The following CHEK1 variants were observed in gnomAD, a reference collection of about 807,000 sequenced individuals.
The protein encoded by CHEK1 is serine/threonine-protein kinase Chk1.
Under a neutral mutation model 60.2 loss-of-function variants are expected in CHEK1, and 32 were observed. The ratio of observed to expected loss-of-function variants is 0.53; its 90% CI spans 0.40 to 0.71. The LOEUF is 0.71. Among genes scored for constraint, CHEK1 ranks in the 30% least tolerant of loss-of-function variants. The probability of loss-of-function intolerance (pLI) is 0.00; values close to 1 mark genes in which losing one functional copy is unlikely to be tolerated. For missense variants in CHEK1, 399 were observed against 564.6 expected (o/e 0.71, Z 2.97); for synonymous variants, 179 against 187.2 (o/e 0.96, Z 0.36).
At chr11:125,677,570 A>G (rs1029996660), downstream of CHEK1, among the ~76,000 whole-genome samples, 1 of 151,948 alleles carries the variant, frequency 6.6e-6, no homozygotes, top group Non-Finnish European at 1.5e-5. Context: ...GGCATTTTGT[A>G]TTTGTTTTAT....
chr11:125,629,146 T>C, intron 3 of CHEK1, 86 bp from the exon 4 acceptor site: 1 of 1,338,984 alleles, frequency 7.5e-7, no homozygotes, highest in South Asian at 1.2e-5. Flanking sequence ...AGCACATTTG[T>C]AAATGTCTAA....
intron 13 of CHEK1, chr11:125,675,885 A>G (rs1393595246): frequency 6.4e-6 from 1 of 156,494 alleles, no homozygotes; most frequent in Non-Finnish European, 1.4e-5. Context: ...GGTAGAATAA[A>G]GAATTCTATT....
intron 5 of CHEK1, 92 bp from the exon 6 acceptor site, chr11:125,633,071 A>G (rs757042317): frequency 2.2e-5 from 25 of 1,124,146 alleles, no homozygotes; most frequent in Admixed American, 6.4e-5. Context: ...AAGTAACACC[A>G]GTGATTTTTT....
intron 3 of CHEK1, 102 bp downstream of exon 3, chr11:125,627,932 G>A (rs1940691693): frequency 2.3e-6 from 2 of 887,476 alleles, no homozygotes. Context: ...AATTGCTCAT[G>A]CAACTGTGAA....
chr11:125,640,192 T>C (rs903140670), intron 8 of CHEK1, among the ~76,000 whole-genome samples: 5 of 152,196 alleles, frequency 3.3e-5, no homozygotes, highest in Non-Finnish European at 5.9e-5. Context: ...TCCACTGTGG[T>C]CAACCGAGGT....
At chr11:125,680,688 A>AC (rs2134136227), downstream of CHEK1, 1 of 1,568,666 alleles carries the variant, frequency 6.4e-7, no homozygotes, top group East Asian at 2.2e-5. Flanking sequence ...CTTAAGGGAG[A>AC]CCCCTTTTGT....
At chr11:125,640,050 C>G (rs755336199) in intron 8 of CHEK1, among the ~76,000 whole-genome samples, 1 of 152,192 alleles carries the variant, frequency 6.6e-6, no homozygotes, top group Non-Finnish European at 1.5e-5. Context: ...ACCATTCCAT[C>G]TTCTTCACAA....
downstream of CHEK1, among the ~76,000 whole-genome samples, chr11:125,680,223 G>A (rs963419845): frequency 2.6e-5 from 4 of 152,168 alleles, no homozygotes. Context: ...CATGAATGGG[G>A]GATCCCAAAA....
At chr11:125,679,309 C>T (rs1942691423), downstream of CHEK1, among the ~76,000 whole-genome samples, 1 of 150,138 alleles carries the variant, frequency 6.7e-6, no homozygotes, top group African/African-American at 2.4e-5. Context: ...CCTCCGCCTC[C>T]CGGGTTCAAG....
chr11:125,639,525 A>C (rs1223733947), intron 8 of CHEK1, among the ~76,000 whole-genome samples: 1 of 151,006 alleles, frequency 6.6e-6, no homozygotes, highest in Non-Finnish European at 1.5e-5. Flanking sequence ...TACAGGTGTG[A>C]ACCACCACAC....
chr11:125,670,314 C>T (rs1308359597), intron 13 of CHEK1, among the ~76,000 whole-genome samples: 1 of 152,044 alleles, frequency 6.6e-6, no homozygotes, highest in East Asian at 1.9e-4. Flanking sequence ...GTTCCAGTAT[C>T]TGTGATTCAT....
At chr11:125,655,178 T>G in intron 12 of CHEK1, 47 bp from the exon 13 acceptor site, 2 of 1,445,556 alleles carry the variant, frequency 1.4e-6, no homozygotes, top group Non-Finnish European at 1.9e-6. Flanking sequence ...AGAATTTTGT[T>G]TTTGTTTTTG....
At chr11:125,652,289 T>C (rs939220689) in intron 11 of CHEK1, among the ~76,000 whole-genome samples, 3 of 152,206 alleles carry the variant, frequency 2.0e-5, no homozygotes, top group Admixed American at 1.3e-4. Context: ...GAGTCTTTTC[T>C]TTCTGCATCA....
chr11:125,672,358 G>A, intron 13 of CHEK1: 1 of 475,554 alleles, frequency 2.1e-6, no homozygotes, highest in Non-Finnish European at 3.7e-6. Context: ...GAAATTTATT[G>A]AAAAAAAAAT....
chr11:125,660,464 G>A (rs898924454), downstream of CHEK1, among the ~76,000 whole-genome samples: 1 of 151,932 alleles, frequency 6.6e-6, no homozygotes. Flanking sequence ...AGGCTCAAGC[G>A]ATCTTCCTGC....
intron 6 of CHEK1, among the ~76,000 whole-genome samples, chr11:125,634,346 G>C (rs911795005): frequency 6.6e-6 from 1 of 151,720 alleles, no homozygotes; most frequent in African/African-American, 2.4e-5. Flanking sequence ...TTTTGAGACA[G>C]GGTCTCACTC....
chr11:125,672,491 T>C (rs1942238632), intron 13 of CHEK1: 2 of 1,362,562 alleles, frequency 1.5e-6, no homozygotes, highest in Non-Finnish European at 2.0e-6. Context: ...GAGGCAGATG[T>C]GGTCAGTTGT....
intron 13 of CHEK1, among the ~76,000 whole-genome samples, chr11:125,669,770 C>T (rs1345832163): frequency 5.3e-5 from 8 of 151,854 alleles, no homozygotes; most frequent in African/African-American, 4.8e-5. Context: ...GTGATCCACC[C>T]GCCTCGGCCT....
At chr11:125,639,313 T>C (rs1245134148) in intron 8 of CHEK1, among the ~76,000 whole-genome samples, 1 of 151,994 alleles carries the variant, frequency 6.6e-6, no homozygotes, top group African/African-American at 2.4e-5. Flanking sequence ...CTTCCTGGCA[T>C]TTGGCCTTCG....
Sources: gnomAD v4.1 joint callset for allele counts (sites outside exome capture counted in the v4.1 genomes callset) on GRCh38, gnomAD v4.1.1 for gene constraint, MANE v1.5 for transcripts, NCBI Gene and HGNC (gene_info 2026-07-23, HGNC 2026-07-21) for gene names.